Variants in XPO5 observed in about 807,000 individuals in gnomAD.
XPO5 encodes the protein exportin 5.
A neutral mutation model predicts 160.6 loss-of-function variants in XPO5; 46 were observed. The observed-to-expected ratio is 0.29, with a 90% CI of 0.23 to 0.37. The LOEUF (loss-of-function observed/expected upper bound fraction) is 0.37. Among genes scored for constraint, XPO5 ranks in the 10% least tolerant of loss-of-function variants. The probability of loss-of-function intolerance (pLI) is 1.00; values close to 1 mark genes in which losing one functional copy is unlikely to be tolerated. For missense variants in XPO5, 1,090 were observed against 1,463.9 expected, an observed-to-expected ratio of 0.74 and a Z score of 4.17; for synonymous variants, 537 against 519.3, an observed-to-expected ratio of 1.03 and a Z score of -0.46.
chr6:43,566,482 T>C (rs1762701750), intron 7 of XPO5, among the ~76,000 whole-genome samples: 2 of 151,898 alleles, frequency 1.3e-5, no homozygotes, highest in Non-Finnish European at 1.5e-5. Context: ...AATATTCCTA[T>C]GGAGAAAAGA....
At chr6:43,568,855 T>A in intron 5 of XPO5, 118 bp from the exon 6 acceptor site, 2 of 889,064 alleles carry the variant, frequency 2.2e-6, no homozygotes, top group Non-Finnish European at 3.3e-6. Context: ...CAATTTTTCA[T>A]CTTGGAAAAT....
intron 20 of XPO5, among the ~76,000 whole-genome samples, chr6:43,540,633 A>G (rs968906857): frequency 5.3e-5 from 8 of 152,186 alleles, no homozygotes; most frequent in African/African-American, 1.9e-4. Context: ...AGCCTGGGCA[A>G]CAAGAGTGAC....
At chr6:43,552,095 C>T (rs1337248511) in intron 14 of XPO5, among the ~76,000 whole-genome samples, 1 of 152,168 alleles carries the variant, frequency 6.6e-6, no homozygotes, top group African/African-American at 2.4e-5. Context: ...TTATATATCA[C>T]TCTTGGTTGC....
At chr6:43,528,444 A>G (rs1283168222) in intron 24 of XPO5, among the ~76,000 whole-genome samples, 2 of 151,872 alleles carry the variant, frequency 1.3e-5, no homozygotes, top group Non-Finnish European at 2.9e-5. Flanking sequence ...AGAATTAACA[A>G]CATTTTTAGA....
At chr6:43,527,839 C>T in intron 25 of XPO5, 108 bp from the exon 26 acceptor site, 1 of 1,211,346 alleles carries the variant, frequency 8.3e-7, no homozygotes, top group Non-Finnish European at 1.2e-6. Flanking sequence ...TCCTTTGGGT[C>T]TTCGTTTTAT....
rs750361482 is a variant in XPO5 at position 43,562,354 on chromosome 6, AT to A, written c.912-9del. 27 of 1,593,732 alleles carry A rather than the reference AT, an allele frequency of 1.7e-5. No homozygotes were observed. Among genetic ancestry groups the A allele is most frequent in the Non-Finnish European group, 1.4e-5 (16 of 1,167,868 alleles). On this transcript the variant is annotated splice_polypyrimidine_tract_variant and intron_variant, in intron 8 of 31. Transcript: ENST00000265351. ...CCTCCTCCATCAGCAGTCCTGTAAG[AT>A]GAGAATTCCTTATATCACCAACAAA... is the stretch of plus-strand genomic sequence containing the variant.
intron 20 of XPO5, among the ~76,000 whole-genome samples, chr6:43,544,764 C>T (rs1359146829): frequency 2.6e-5 from 4 of 152,228 alleles, no homozygotes; most frequent in East Asian, 1.9e-4. Context: ...AAAAACATCA[C>T]GATAGAAATA....
intron 20 of XPO5, among the ~76,000 whole-genome samples, chr6:43,540,928 A>G (rs1349462096): frequency 6.6e-6 from 1 of 152,236 alleles, no homozygotes. Context: ...CATAAAAAAA[A>G]AAAGAGATCT....
Position 43,523,856 on chromosome 6 carries a change from C to G in XPO5, c.*12G>C. 1 of 1,613,956 alleles carries G rather than the reference C, an allele frequency of 6.2e-7. No homozygotes were observed. The highest frequency in any genetic ancestry group is 8.5e-7 in the Non-Finnish European group (1 of 1,179,878). On this transcript the variant is annotated 3_prime_UTR_variant, in exon 32 of 32. Coordinates refer to ENST00000265351, the MANE Select transcript of XPO5 (RefSeq NM_020750.3). ...ACAAGAAAGGCCGAGGAAGGATGCC[C>G]AAAAGCTTGATTCAGGGTTCAAAGA...
At chr6:43,535,706 C>T (rs747048303) in intron 20 of XPO5, among the ~76,000 whole-genome samples, 3 of 150,170 alleles carry the variant, frequency 2.0e-5, no homozygotes, top group Admixed American at 6.7e-5. Context: ...CCCAGCTACT[C>T]GGAAGGCTGA....
At chr6:43,545,791 A>G (rs1459460203) in intron 20 of XPO5, among the ~76,000 whole-genome samples, 2 of 152,146 alleles carry the variant, frequency 1.3e-5, no homozygotes, top group African/African-American at 2.4e-5. Flanking sequence ...ATATAAAAAA[A>G]CCTATCTTTT....
chr6:43,553,567 A>G (rs1795362824), intron 13 of XPO5, 64 bp from the exon 14 acceptor site: 1 of 1,514,188 alleles, frequency 6.6e-7, no homozygotes, highest in African/African-American at 1.4e-5. Context: ...GCATTGAAAG[A>G]TCGCAGAAGA....
intron 8 of XPO5, among the ~76,000 whole-genome samples, chr6:43,563,664 A>T (rs1315200425): frequency 1.3e-5 from 2 of 152,220 alleles, no homozygotes; most frequent in African/African-American, 4.8e-5. Context: ...CCTCTATAGC[A>T]TGTTACCGTA....
chr6:43,530,349 G>A (rs574727484), intron 23 of XPO5, among the ~76,000 whole-genome samples: 1 of 151,374 alleles, frequency 6.6e-6, no homozygotes, highest in East Asian at 1.9e-4. Flanking sequence ...GCTTGAACCT[G>A]AGAGGCAGAA....
At chr6:43,567,414 G>T in intron 6 of XPO5, 60 bp from the exon 7 acceptor site, 3 of 1,433,446 alleles carry the variant, frequency 2.1e-6, no homozygotes, top group East Asian at 2.4e-5. Flanking sequence ...AGGAATCAGT[G>T]GTTATAACTG....
intron 23 of XPO5, chr6:43,529,301 G>T (rs1467190764): frequency 2.7e-6 from 3 of 1,097,650 alleles, no homozygotes; most frequent in Non-Finnish European, 3.8e-6. Flanking sequence ...CCAGCACTTT[G>T]GGAGGCCAAG....
At chr6:43,546,353 T>G (rs1794963299) in intron 20 of XPO5, among the ~76,000 whole-genome samples, 1 of 152,208 alleles carries the variant, frequency 6.6e-6, no homozygotes, top group Admixed American at 6.5e-5. Flanking sequence ...AAAGCCCTTT[T>G]GGGATTATCC....
intron 25 of XPO5, 92 bp downstream of exon 25, chr6:43,528,067 C>A (rs1793713020): frequency 7.6e-7 from 1 of 1,312,566 alleles, no homozygotes. Flanking sequence ...CTCTTCTACC[C>A]TGGGACAGCA....
At chr6:43,538,911 G>C in intron 20 of XPO5, 1 of 1,225,320 alleles carries the variant, frequency 8.2e-7, no homozygotes, top group Non-Finnish European at 1.2e-6. Flanking sequence ...TCCTGATAGG[G>C]AGACTTGGTA....
Sources: gnomAD v4.1 joint callset for allele counts (sites outside exome capture counted in the v4.1 genomes callset) on GRCh38, gnomAD v4.1.1 for gene constraint, MANE v1.5 for transcripts, NCBI Gene and HGNC (gene_info 2026-07-23, HGNC 2026-07-21) for gene names.